ACSL1: variants seen among roughly 807,000 people sequenced by gnomAD.
ACSL1 encodes acyl-CoA synthetase long chain family member 1, also known as long-chain-fatty-acid--CoA ligase 1.
A neutral mutation model predicts 98.4 loss-of-function variants in ACSL1; 41 were observed. The observed-to-expected ratio is 0.42, with a 90% CI of 0.32 to 0.54. ACSL1 has a LOEUF of 0.54. ACSL1 is among the 20% of genes least tolerant of loss of function. The probability of loss-of-function intolerance (pLI) is 0.13; values close to 1 mark genes in which losing one functional copy is unlikely to be tolerated. For missense variants in ACSL1, 734 were observed against 883.1 expected, an observed-to-expected ratio of 0.83 and a Z score of 2.14; for synonymous variants, 316 against 322.7, an observed-to-expected ratio of 0.98 and a Z score of 0.22.
intron 3 of ACSL1, chr4:184,788,399 A>G (rs983634594): frequency 1.5e-6 from 1 of 654,900 alleles, no homozygotes; most frequent in Non-Finnish European, 2.8e-6. Flanking sequence ...AGGATGTGAC[A>G]CTCACATATT....
chr4:184,825,249 G>A lies in ACSL1; in HGVS notation c.-33+667C>T. The A allele has an allele frequency of 1.0e-6, 1 of 985,396 alleles. No individual in the cohort carries two copies. Among genetic ancestry groups the A allele is most frequent in the Admixed American group, 6.1e-5 (1 of 16,284 alleles). The allele number at this position is 985,396 out of a possible 1,614,324, so 61.0% of individuals were successfully genotyped here. A position where few individuals can be genotyped will look rare whatever the true frequency, so the allele number is the denominator to read the frequency against. On this transcript the variant is annotated intron_variant, in intron 1 of 20. Coordinates refer to ENST00000281455, the MANE Select transcript of ACSL1 (RefSeq NM_001995.5). The surrounding 1 kb of genome is among the most constrained non-coding windows in gnomAD (Gnocchi z 4.7). ...CGCCACTCTCCGTCTACGCTGCCAG[G>A]TGACAGACATCATCTTTGCTTCTCA...
chr4:184,764,438 A>G (rs1460560119), intron 15 of ACSL1, among the ~76,000 whole-genome samples: 2 of 152,154 alleles, frequency 1.3e-5, no homozygotes, highest in African/African-American at 2.4e-5. Context: ...ATTTATTCCT[A>G]TTGGTAGTCC....
chr4:184,768,409 T>C lies in ACSL1; in HGVS notation c.1035A>G (p.Gln345=). 6.2e-7 allele frequency: 1 copy of C among 1,613,758 alleles called. No individual in the cohort carries two copies. The highest frequency in any genetic ancestry group is 8.5e-7 in the Non-Finnish European group (1 of 1,179,926). The part of the protein sequence containing the change: ...LCHGAKIGFF[Q]GDIRLLMDDL... ...CATCCATGAGCAGCCTGATATCTCCTTGGAAAAATCCGATTTTAGCTCCAT... is the reference window on the plus strand; with the variant it reads ...CATCCATGAGCAGCCTGATATCTCCCTGGAAAAATCCGATTTTAGCTCCAT... Residue 345 remains glutamine, a synonymous_variant, in exon 12 of 21, where the codon CAA becomes CAG. Transcript: ENST00000281455.
At chr4:184,802,369 G>T (rs530418290) in intron 2 of ACSL1, among the ~76,000 whole-genome samples, 2 of 152,200 alleles carry the variant, frequency 1.3e-5, no homozygotes, top group African/African-American at 2.4e-5. Context: ...AGCCCGGGGG[G>T]GTGGGGGAGG....
At chr4:184,826,068 T>C (rs1282625779), upstream of ACSL1, 1 of 135,310 alleles carries the variant, frequency 7.4e-6, no homozygotes, top group Non-Finnish European at 1.7e-5. Context: ...GCCAGGATGC[T>C]GCTGGTGCGC....
At chr4:184,811,329 G>C (rs972866585) in intron 1 of ACSL1, among the ~76,000 whole-genome samples, 17 of 151,948 alleles carry the variant, frequency 1.1e-4, no homozygotes, top group South Asian at 2.1e-4. Context: ...GGCCAGGATG[G>C]TCTCGATCTC....
chr4:184,770,352 A>G (rs549774945), intron 11 of ACSL1, 47 bp downstream of exon 11: 2 of 1,605,492 alleles, frequency 1.2e-6, no homozygotes, highest in South Asian at 2.2e-5. Context: ...ACAACAACTT[A>G]GCAGAACATA....
intron 1 of ACSL1, among the ~76,000 whole-genome samples, chr4:184,819,852 G>A (rs987253949): frequency 1.3e-5 from 2 of 152,132 alleles, no homozygotes; most frequent in Non-Finnish European, 2.9e-5. Flanking sequence ...TCCTAACAAA[G>A]GCCTTCACTG....
chr4:184,764,758 G>T, intron 15 of ACSL1, 95 bp downstream of exon 15: 1 of 1,114,834 alleles, frequency 9.0e-7, no homozygotes, highest in Non-Finnish European at 1.3e-6. Context: ...GTTTAAGATG[G>T]TTAATGAACC....
chr4:184,775,553 G>A (rs1765154833), intron 7 of ACSL1, among the ~76,000 whole-genome samples: 1 of 152,144 alleles, frequency 6.6e-6, no homozygotes, highest in African/African-American at 2.4e-5. Context: ...AGCACTTGCG[G>A]AATCACGTTC....
intron 1 of ACSL1, chr4:184,808,252 C>A (rs984945087): frequency 4.1e-5 from 38 of 933,056 alleles, no homozygotes; most frequent in Admixed American, 3.7e-4. Context: ...CACACACACA[C>A]ACACACACTG....
rs1773390648 is a variant in ACSL1, at chr4:184,825,405, G to T, written c.-33+511C>A. Reference sequence around the variant, plus strand: ...GGCCTCTGAGCTGCCTGTGGGCCTCGTGCCGCCGCGCTGCGTGGGGCCGGC... The same window carrying T: ...GGCCTCTGAGCTGCCTGTGGGCCTCTTGCCGCCGCGCTGCGTGGGGCCGGC... On this transcript the variant is annotated intron_variant, in intron 1 of 20. Transcript: ENST00000281455. The surrounding 1 kb of genome is among the most constrained non-coding windows in gnomAD (Gnocchi z 4.7). 1 of 258,766 alleles carries T rather than the reference G, an allele frequency of 3.9e-6. No homozygotes were observed. The highest frequency in any genetic ancestry group is 6.0e-6 in the Non-Finnish European group (1 of 165,782). 16.0% of individuals were successfully genotyped at this position (258,766 alleles called of 1,614,324 possible). A position where few individuals can be genotyped will look rare whatever the true frequency, so the allele number is the denominator to read the frequency against.
At chr4:184,802,814 G>A (rs909702193) in intron 2 of ACSL1, among the ~76,000 whole-genome samples, 7 of 152,170 alleles carry the variant, frequency 4.6e-5, no homozygotes, top group East Asian at 1.9e-4. Flanking sequence ...GTCCTGCCCC[G>A]AATTCTGCAG....
At chr4:184,798,859 G>A (rs1446937179) in intron 2 of ACSL1, 1 of 152,296 alleles carries the variant, frequency 6.6e-6, no homozygotes, top group Non-Finnish European at 1.5e-5. Flanking sequence ...GGGAGCAGCA[G>A]GTCTTGCACA....
At chr4:184,821,296 T>C (rs1773053221) in intron 1 of ACSL1, 9 of 342,002 alleles carry the variant, frequency 2.6e-5, no homozygotes, top group South Asian at 1.1e-4. Flanking sequence ...AAGGAATAAA[T>C]AGTATTCAGA....
chr4:184,792,314 A>T (rs1051030334), intron 2 of ACSL1, among the ~76,000 whole-genome samples: 7 of 152,228 alleles, frequency 4.6e-5, no homozygotes, highest in Admixed American at 4.6e-4. Context: ...ACTGTCACTC[A>T]GTTGTCAGAC....
intron 1 of ACSL1, among the ~76,000 whole-genome samples, chr4:184,818,914 A>G (rs192076393): frequency 6.6e-6 from 1 of 152,196 alleles, no homozygotes; most frequent in Admixed American, 6.6e-5. Flanking sequence ...TTTCCATATG[A>G]AGGGCGGGGG....
chr4:184,791,503 T>C (rs1182847345), intron 2 of ACSL1, among the ~76,000 whole-genome samples: 1 of 152,188 alleles, frequency 6.6e-6, no homozygotes, highest in Non-Finnish European at 1.5e-5. Flanking sequence ...TCCGAAACTC[T>C]GGGGATGCGA....
Position 184,776,482 on chromosome 4 carries a change from A to G in ACSL1, c.756+2T>C. 1 of 1,610,516 alleles carries G rather than the reference A, an allele frequency of 6.2e-7. No individual in the cohort carries two copies. Among genetic ancestry groups the G allele is most frequent in the Non-Finnish European group, 8.5e-7 (1 of 1,178,608 alleles). ...GAGAAGGGAAGGAGGCAGGGCACTC[A>G]CCTCCATCGCCTTCATGCTGGTGAC... On this transcript the variant is annotated splice_donor_variant, in intron 7 of 20. Transcript: ENST00000281455. LOFTEE classifies it high-confidence loss of function.
Sources: allele counts gnomAD v4.1 joint callset (sites outside exome capture counted in the v4.1 genomes callset), GRCh38; gene constraint gnomAD v4.1.1; non-coding constraint Gnocchi (gnomAD v3.1); transcripts MANE v1.5; gene names NCBI Gene and HGNC (gene_info 2026-07-23, HGNC 2026-07-21).